Variants in TNKS observed in about 807,000 individuals in gnomAD.
TNKS encodes tankyrase, also known as poly [ADP-ribose] polymerase tankyrase-1.
A neutral mutation model predicts 135.8 loss-of-function variants in TNKS; 72 were observed. The ratio of observed to expected loss-of-function variants is 0.53; its 90% CI spans 0.44 to 0.64. The LOEUF (loss-of-function observed/expected upper bound fraction) is 0.64. TNKS is among the 30% of genes least tolerant of loss of function. TNKS has a pLI of 0.00. For synonymous variants in TNKS, 849 were observed against 649.3 expected (o/e 1.31, Z -4.68); for missense variants, 1,769 against 1,674.0 (o/e 1.06, Z -0.99).
chr8:9,624,065 T>G (rs1280602406), intron 3 of TNKS, among the ~76,000 whole-genome samples: 3 of 152,128 alleles, frequency 2.0e-5, no homozygotes, highest in Non-Finnish European at 4.4e-5. Context: ...TCTGTTTGGA[T>G]AATCTCACCA....
intron 26 of TNKS, among the ~76,000 whole-genome samples, chr8:9,775,903 C>G (rs1235349780): frequency 1.3e-5 from 2 of 151,992 alleles, no homozygotes; most frequent in Non-Finnish European, 2.9e-5. Flanking sequence ...AGTCTACTCA[C>G]TAAGGGGTGT....
chr8:9,734,867 T>C lies in TNKS; in HGVS notation c.2316T>C (p.His772=). ...KYEICKLLLK[H]GADPTKKNRD... is the part of the protein sequence containing the mutation. Reference sequence around the variant, plus strand: ...CATTTGGTTTTTCTTCTTTGTAGCATGGAGCAGATCCAACTAAAAAGAACA... The same window carrying C: ...CATTTGGTTTTTCTTCTTTGTAGCACGGAGCAGATCCAACTAAAAAGAACA... Residue 772 remains histidine (H), a splice_region_variant and synonymous_variant, in exon 16 of 27, where the codon CAT becomes CAC. Coordinates refer to ENST00000310430, the MANE Select transcript of TNKS (RefSeq NM_003747.3). The C allele has an allele frequency of 1.2e-6, 2 of 1,612,742 alleles. No homozygotes were observed. The highest frequency in any genetic ancestry group is 1.7e-6 in the Non-Finnish European group (2 of 1,179,346).
intron 2 of TNKS, among the ~76,000 whole-genome samples, chr8:9,591,059 G>A (rs1230729051): frequency 6.6e-6 from 1 of 152,208 alleles, no homozygotes; most frequent in South Asian, 2.1e-4. Flanking sequence ...GATGCATTTG[G>A]AATTGATGTT....
intron 26 of TNKS, among the ~76,000 whole-genome samples, chr8:9,772,853 G>GTC (rs1452853837): frequency 7.2e-6 from 1 of 139,248 alleles, no homozygotes; most frequent in Non-Finnish European, 1.6e-5. Context: ...GTGTGTGTGT[G>GTC]TGTGTGTAGT....
At chr8:9,755,651 GTA>G (rs1806796282) in intron 20 of TNKS, among the ~76,000 whole-genome samples, 1 of 152,128 alleles carries the variant, frequency 6.6e-6, no homozygotes, top group Non-Finnish European at 1.5e-5. Flanking sequence ...CAATGTATTT[GTA>G]TAGTCGGGGA....
chr8:9,562,357 G>T (rs1387303571), intron 1 of TNKS, among the ~76,000 whole-genome samples: 2 of 151,880 alleles, frequency 1.3e-5, no homozygotes, highest in African/African-American at 2.4e-5. Flanking sequence ...TTTATTTTAT[G>T]GTTATTGCTT....
At chr8:9,686,304 G>A (rs962732406) in intron 5 of TNKS, among the ~76,000 whole-genome samples, 3 of 152,104 alleles carry the variant, frequency 2.0e-5, no homozygotes, top group Non-Finnish European at 4.4e-5. Flanking sequence ...GAGTTCGTAT[G>A]GAAGCTTCTT....
intron 14 of TNKS, among the ~76,000 whole-genome samples, chr8:9,732,506 T>G (rs868800603): frequency 1.3e-5 from 2 of 152,188 alleles, no homozygotes; most frequent in Non-Finnish European, 1.5e-5. Context: ...TCAAACTGTT[T>G]CAGTGCATTG....
At chr8:9,709,483 C>G (rs866415667) in intron 9 of TNKS, among the ~76,000 whole-genome samples, 2 of 152,230 alleles carry the variant, frequency 1.3e-5, no homozygotes, top group Middle Eastern at 6.8e-3. Flanking sequence ...ATATTTTTCT[C>G]TAAACTGCTT....
chr8:9,713,868 C>T (rs934565519), intron 11 of TNKS, among the ~76,000 whole-genome samples: 1 of 152,120 alleles, frequency 6.6e-6, no homozygotes, highest in South Asian at 2.1e-4. Context: ...GTATTTCTTT[C>T]TGAGGAACTC....
At chr8:9,674,698 T>C (rs569110451) in intron 3 of TNKS, among the ~76,000 whole-genome samples, 7 of 152,254 alleles carry the variant, frequency 4.6e-5, no homozygotes, top group South Asian at 2.1e-4. Context: ...GGCTAAAATA[T>C]TGGACAATGT....
chr8:9,736,579 T>C (rs1805718030), intron 17 of TNKS, among the ~76,000 whole-genome samples: 1 of 137,092 alleles, frequency 7.3e-6, no homozygotes, highest in African/African-American at 2.7e-5. Context: ...GATTTTTGTA[T>C]AAGGTGTAAG....
intron 1 of TNKS, among the ~76,000 whole-genome samples, chr8:9,568,631 C>T (rs1797640197): frequency 6.6e-6 from 1 of 152,194 alleles, no homozygotes. Flanking sequence ...TTGCAAGTCA[C>T]TTTAATGTCT....
chr8:9,730,808 A>G, intron 13 of TNKS, 82 bp from the exon 14 acceptor site: 1 of 1,444,606 alleles, frequency 6.9e-7, no homozygotes, highest in Non-Finnish European at 9.4e-7. Context: ...CTTATCCAAG[A>G]TGTTGAACTA....
chr8:9,615,711 C>T (rs377303228), intron 3 of TNKS, 34 bp downstream of exon 3: 3 of 1,499,138 alleles, frequency 2.0e-6, no homozygotes, highest in African/African-American at 2.8e-5. Flanking sequence ...ATGATTATAT[C>T]TGTGTAACTC....
At chr8:9,671,005 A>G (rs1410696073) in intron 3 of TNKS, 2 of 152,234 alleles carry the variant, frequency 1.3e-5, no homozygotes, top group African/African-American at 4.8e-5. Context: ...GAAAGAGTTA[A>G]AAGATGTGCA....
chr8:9,587,162 A>T (rs1444267696), intron 2 of TNKS, among the ~76,000 whole-genome samples: 1 of 152,100 alleles, frequency 6.6e-6, no homozygotes, highest in African/African-American at 2.4e-5. Context: ...ATTATCATGG[A>T]TTGTCTTGGT....
intron 3 of TNKS, among the ~76,000 whole-genome samples, chr8:9,622,068 G>A (rs1266513445): frequency 6.6e-6 from 1 of 152,080 alleles, no homozygotes; most frequent in Non-Finnish European, 1.5e-5. Context: ...ACATGAGCAG[G>A]AAAATTTAAA....
chr8:9,730,291 C>T (rs1317495210), intron 13 of TNKS, among the ~76,000 whole-genome samples: 1 of 152,006 alleles, frequency 6.6e-6, no homozygotes, highest in African/African-American at 2.4e-5. Context: ...GGAAGTAAAG[C>T]CTAAAAACTA....
Sources: gnomAD v4.1 joint callset for allele counts (sites outside exome capture counted in the v4.1 genomes callset) on GRCh38, gnomAD v4.1.1 for gene constraint, MANE v1.5 for transcripts, NCBI Gene and HGNC (gene_info 2026-07-23, HGNC 2026-07-21) for gene names.